GLIPR1L2: variants seen among roughly 807,000 people sequenced by gnomAD.
The protein encoded by GLIPR1L2 is GLIPR1-like protein 2.
Under a neutral mutation model 28.4 loss-of-function variants are expected in GLIPR1L2, and 21 were observed. The observed-to-expected ratio is 0.74, with a 90% CI of 0.52 to 1.06. GLIPR1L2 has a LOEUF of 1.06. Ranked by LOEUF, GLIPR1L2 falls within the 50% of genes least tolerant of loss-of-function variation. GLIPR1L2 has a pLI of 0.00. For missense variants in GLIPR1L2, 476 were observed against 416.9 expected (o/e 1.14, Z -1.23); for synonymous variants, 145 against 139.3 (o/e 1.04, Z -0.29).
At chr12:75,394,134 A>C (rs974906971) in intron 1 of GLIPR1L2, among the ~76,000 whole-genome samples, 4 of 152,050 alleles carry the variant, frequency 2.6e-5, no homozygotes, top group Non-Finnish European at 4.4e-5. Flanking sequence ...TTGTTGAATT[A>C]TAGGAATTTT....
In GLIPR1L2 at chr12:75,409,414, G is replaced by T. The variant is rs188743008; in HGVS notation, c.235-1020G>T. Among the ~76,000 whole-genome samples, 8 of 151,720 alleles carry T rather than the reference G, an allele frequency of 5.3e-5. No individual in the cohort carries two copies. The East Asian group carries it at 1.6e-3, about 29-fold the overall frequency. On this transcript the variant is annotated intron_variant, in intron 1 of 5. Transcript: ENST00000550916. ...AATGAGTCTCTAAATGATGATAAAA[G>T]CACACATTTCTGGTTATTTCCAGAT...
intron 3 of GLIPR1L2, among the ~76,000 whole-genome samples, chr12:75,416,768 T>C (rs543164805): frequency 1.3e-5 from 2 of 152,242 alleles, no homozygotes; most frequent in South Asian, 2.1e-4. Context: ...TACTCTCTTA[T>C]TGCACAAGCT....
chr12:75,420,826 G>A (rs539325556), intron 3 of GLIPR1L2, among the ~76,000 whole-genome samples: 6 of 152,334 alleles, frequency 3.9e-5, no homozygotes, highest in East Asian at 3.9e-4. Context: ...ATTTCTGGCT[G>A]TCTAATAGAA....
chr12:75,410,338 TTGTTTCC>T, intron 1 of GLIPR1L2, 89 bp from the exon 2 acceptor site: 1 of 1,175,582 alleles, frequency 8.5e-7, no homozygotes, highest in Non-Finnish European at 1.2e-6. Context: ...AAAGTTAGAA[TTGTTTCC>T]TTTAAATCTA....
intron 1 of GLIPR1L2, among the ~76,000 whole-genome samples, chr12:75,409,173 T>C (rs1555232594): frequency 6.6e-6 from 1 of 152,054 alleles, no homozygotes; most frequent in Non-Finnish European, 1.5e-5. Context: ...TGTTAGTGTA[T>C]TTTATGTGTG....
At chr12:75,408,666 GGAA>G (rs771162398) in intron 1 of GLIPR1L2, among the ~76,000 whole-genome samples, 5 of 151,874 alleles carry the variant, frequency 3.3e-5, no homozygotes, top group Non-Finnish European at 5.9e-5. Flanking sequence ...TCCGTGCTGC[GGAA>G]TACTATGCAG....
chr12:75,406,066 T>G (rs1053903723), intron 1 of GLIPR1L2, among the ~76,000 whole-genome samples: 2 of 151,896 alleles, frequency 1.3e-5, no homozygotes, highest in Non-Finnish European at 2.9e-5. Context: ...AATAATTTCC[T>G]GTGCTTTATA....
chr12:75,416,138 T>A (rs1020485882), intron 3 of GLIPR1L2, among the ~76,000 whole-genome samples: 3 of 152,062 alleles, frequency 2.0e-5, no homozygotes, highest in Non-Finnish European at 4.4e-5. Flanking sequence ...TAGGGATAAA[T>A]TGAATAAAAT....
At chr12:75,405,874 A>T (rs2045793089) in intron 1 of GLIPR1L2, among the ~76,000 whole-genome samples, 1 of 152,126 alleles carries the variant, frequency 6.6e-6, no homozygotes, top group East Asian at 1.9e-4. Flanking sequence ...TTTTTAGAAA[A>T]CCTTAAATGA....
chr12:75,402,856 ACT>A (rs1594006063), intron 1 of GLIPR1L2, among the ~76,000 whole-genome samples: 3 of 151,908 alleles, frequency 2.0e-5, no homozygotes, highest in Admixed American at 2.0e-4. Flanking sequence ...TGACTTCCTC[ACT>A]CTGTTCCATG....
At chr12:75,396,819 C>T (rs958538944) in intron 1 of GLIPR1L2, among the ~76,000 whole-genome samples, 2 of 152,174 alleles carry the variant, frequency 1.3e-5, no homozygotes, top group Admixed American at 6.5e-5. Flanking sequence ...AGTTTGAGAT[C>T]CACTAGTCTT....
chr12:75,420,349 T>C (rs2045964644), intron 3 of GLIPR1L2, among the ~76,000 whole-genome samples: 1 of 152,218 alleles, frequency 6.6e-6, no homozygotes. Flanking sequence ...AATTGTGCTC[T>C]CATTTTGAAA....
At chr12:75,412,484 A>C (rs1170336326) in intron 2 of GLIPR1L2, among the ~76,000 whole-genome samples, 1 of 152,136 alleles carries the variant, frequency 6.6e-6, no homozygotes, top group Non-Finnish European at 1.5e-5. Context: ...CAATGAACTC[A>C]AACAAATTTA....
At chr12:75,429,284 G>A (rs2046066666) in intron 4 of GLIPR1L2, among the ~76,000 whole-genome samples, 1 of 152,222 alleles carries the variant, frequency 6.6e-6, no homozygotes, top group Non-Finnish European at 1.5e-5. Flanking sequence ...AGCCAAAGGA[G>A]ATTATTTTGG....
intron 1 of GLIPR1L2, among the ~76,000 whole-genome samples, chr12:75,405,906 T>G (rs1457123475): frequency 6.6e-6 from 1 of 152,116 alleles, no homozygotes; most frequent in Non-Finnish European, 1.5e-5. Context: ...AAAAGTACAC[T>G]GATGCAAAAC....
intron 1 of GLIPR1L2, chr12:75,403,118 C>T: frequency 6.6e-6 from 3 of 456,988 alleles, no homozygotes; most frequent in South Asian, 4.6e-5. Context: ...TTTGTCTTCA[C>T]TCCTGAATGA....
At chr12:75,427,256 T>C (rs1209919067) in intron 4 of GLIPR1L2, among the ~76,000 whole-genome samples, 1 of 152,140 alleles carries the variant, frequency 6.6e-6, no homozygotes, top group Admixed American at 6.5e-5. Context: ...AAATTAATGA[T>C]GAGAAGTGAA....
At chr12:75,417,782 C>T (rs1412414437) in intron 3 of GLIPR1L2, among the ~76,000 whole-genome samples, 2 of 129,718 alleles carry the variant, frequency 1.5e-5, no homozygotes, top group Admixed American at 7.5e-5. Flanking sequence ...AAAACTGAAA[C>T]TATATTACAT....
At chr12:75,422,200 C>G (rs1221610856) in intron 3 of GLIPR1L2, among the ~76,000 whole-genome samples, 1 of 151,760 alleles carries the variant, frequency 6.6e-6, no homozygotes, top group East Asian at 1.9e-4. Context: ...TGCTATGTTA[C>G]CCAGGCTGGT....
Sources: allele counts gnomAD v4.1 joint callset (sites outside exome capture counted in the v4.1 genomes callset), GRCh38; gene constraint gnomAD v4.1.1; transcripts MANE v1.5; gene names NCBI Gene and HGNC (gene_info 2026-07-23, HGNC 2026-07-21).